Variants in DLGAP2 observed in about 807,000 individuals in gnomAD.
DLGAP2 encodes disks large-associated protein 2.
A neutral mutation model predicts 100.3 loss-of-function variants in DLGAP2; 26 were observed. The ratio of observed to expected loss-of-function variants is 0.26; its 90% CI spans 0.19 to 0.36. The LOEUF is 0.36. Among genes scored for constraint, DLGAP2 ranks in the 10% least tolerant of loss-of-function variants. The pLI is 1.00. For missense variants in DLGAP2, 1,858 were observed against 1,453.2 expected (o/e 1.28, Z -4.53); for synonymous variants, 886 against 630.1 (o/e 1.41, Z -6.08).
chr8:1,335,719 C>G (rs1019310302), intron 3 of DLGAP2, among the ~76,000 whole-genome samples: 1 of 152,168 alleles, frequency 6.6e-6, no homozygotes, highest in Non-Finnish European at 1.5e-5. Flanking sequence ...ACGCAGGACG[C>G]CCAGGGAACC....
At chr8:878,646 T>C (rs1797727777) in intron 1 of DLGAP2, among the ~76,000 whole-genome samples, 1 of 152,112 alleles carries the variant, frequency 6.6e-6, no homozygotes, top group South Asian at 2.1e-4. Flanking sequence ...TGGGAGGTGT[T>C]TGGTCCACGA....
At chr8:1,240,920 T>TGTGTCTAGTTCTCTCACATGGCGCC (rs1563274212) in intron 2 of DLGAP2, among the ~76,000 whole-genome samples, 1 of 4,644 alleles carries the variant, frequency 2.2e-4, no homozygotes, top group Admixed American at 1.4e-3. Context: ...CACATGGCAC[T>TGTGTCTAGTTCTCTCACATGGCGCC]GTGTCTAGTT....
intron 2 of DLGAP2, among the ~76,000 whole-genome samples, chr8:911,719 G>C (rs773177265): frequency 6.9e-6 from 1 of 144,884 alleles, no homozygotes; most frequent in African/African-American, 2.6e-5. Flanking sequence ...GGAAGGATGT[G>C]GGTATAATGT....
chr8:1,112,976 A>T (rs1179654120), intron 2 of DLGAP2, among the ~76,000 whole-genome samples: 1 of 152,058 alleles, frequency 6.6e-6, no homozygotes, highest in East Asian at 1.9e-4. Flanking sequence ...TTCCCCATTA[A>T]TTATTTTTGT....
chr8:940,746 T>C (rs1799178275), intron 2 of DLGAP2, among the ~76,000 whole-genome samples: 1 of 152,192 alleles, frequency 6.6e-6, no homozygotes, highest in Non-Finnish European at 1.5e-5. Context: ...AAAATAGTTT[T>C]CTGCAGCCAC....
intron 3 of DLGAP2, among the ~76,000 whole-genome samples, chr8:1,483,682 G>T (rs895504140): frequency 2.0e-5 from 3 of 151,524 alleles, no homozygotes; most frequent in African/African-American, 7.3e-5. Context: ...GCAGGTGCAG[G>T]AGGTGGGGAC....
In DLGAP2 at chr8:1,180,671, G is replaced by A. The variant is rs140251400; in HGVS notation, c.74-78180G>A. Among the ~76,000 whole-genome samples the A allele has an allele frequency of 5.1e-4, 77 of 151,888 alleles. No homozygotes were observed. The Middle Eastern group carries it at 0.01, about 20-fold the overall frequency. On this transcript the variant is annotated intron_variant, in intron 2 of 14. Transcript: ENST00000637795. Reference sequence around the variant, plus strand: ...GGGCAGTATGCTTACCGTCGACTGGGTGTGCCAGGGCAGTACAATTACCGT... The same window carrying A: ...GGGCAGTATGCTTACCGTCGACTGGATGTGCCAGGGCAGTACAATTACCGT...
intron 4 of DLGAP2, among the ~76,000 whole-genome samples, chr8:1,517,647 C>T (rs189069463): frequency 6.6e-6 from 1 of 152,310 alleles, no homozygotes; most frequent in East Asian, 1.9e-4. Context: ...AAATGCACCA[C>T]ACAGCAGAAG....
intron 4 of DLGAP2, among the ~76,000 whole-genome samples, chr8:1,518,494 G>A (rs371072577): frequency 1.8e-4 from 28 of 152,258 alleles, no homozygotes; most frequent in Admixed American, 4.6e-4. Context: ...TTTATATAAC[G>A]TTTGAGTTTC....
intron 1 of DLGAP2, among the ~76,000 whole-genome samples, chr8:881,874 T>G (rs933870860): frequency 4.6e-5 from 7 of 152,044 alleles, no homozygotes; most frequent in African/African-American, 1.7e-4. Context: ...AAATAAACCG[T>G]GAAGTGTCAC....
intron 2 of DLGAP2, among the ~76,000 whole-genome samples, chr8:1,094,667 C>G (rs540511899): frequency 6.6e-6 from 1 of 152,298 alleles, no homozygotes; most frequent in South Asian, 2.1e-4. Context: ...CTCAAAATGC[C>G]CTCTGTTTTG....
At chr8:1,595,523 C>T (rs566079765) in intron 6 of DLGAP2, among the ~76,000 whole-genome samples, 151 of 151,050 alleles carry the variant, frequency 1.0e-3, no homozygotes, top group African/African-American at 3.5e-3. Flanking sequence ...AAAAATTAGC[C>T]GGGCACGGTG....
chr8:1,609,635 G>C (rs1796930540), intron 6 of DLGAP2, among the ~76,000 whole-genome samples: 1 of 119,812 alleles, frequency 8.3e-6, no homozygotes, highest in African/African-American at 2.9e-5. Flanking sequence ...GCTGTATTCA[G>C]GAAACCCATC....
At chr8:1,615,955 C>T (rs1396331433) in intron 6 of DLGAP2, among the ~76,000 whole-genome samples, 2 of 151,868 alleles carry the variant, frequency 1.3e-5, no homozygotes, top group Admixed American at 6.6e-5. Context: ...TTAAAGCAGC[C>T]GTTGTAAGGT....
intron 2 of DLGAP2, among the ~76,000 whole-genome samples, chr8:955,818 T>C (rs1276732657): frequency 6.6e-6 from 1 of 152,210 alleles, no homozygotes; most frequent in Non-Finnish European, 1.5e-5. Flanking sequence ...ACAAATGTGG[T>C]GCCCTTGCCA....
intron 2 of DLGAP2, among the ~76,000 whole-genome samples, chr8:924,152 T>C (rs889725151): frequency 6.6e-6 from 1 of 152,170 alleles, no homozygotes; most frequent in African/African-American, 2.4e-5. Context: ...CTAGTCCATT[T>C]TAGGGTCTCC....
chr8:1,062,844 G>C (rs1195467840), intron 2 of DLGAP2, among the ~76,000 whole-genome samples: 1 of 152,178 alleles, frequency 6.6e-6, no homozygotes, highest in Non-Finnish European at 1.5e-5. Context: ...GTAATTCTAA[G>C]GAGGCAAGTT....
At chr8:1,520,126 G>A (rs1019655826) in intron 4 of DLGAP2, among the ~76,000 whole-genome samples, 9 of 152,142 alleles carry the variant, frequency 5.9e-5, no homozygotes, top group Non-Finnish European at 1.0e-4. Context: ...ACATACCATG[G>A]GCTATACACC....
intron 3 of DLGAP2, among the ~76,000 whole-genome samples, chr8:1,486,000 C>G (rs1799228227): frequency 6.6e-6 from 1 of 152,150 alleles, no homozygotes; most frequent in Non-Finnish European, 1.5e-5. Context: ...GCACTCCAGC[C>G]TGGGTGACAG....
Sources: allele counts gnomAD v4.1 joint callset (sites outside exome capture counted in the v4.1 genomes callset), GRCh38; gene constraint gnomAD v4.1.1; transcripts MANE v1.5; gene names NCBI Gene and HGNC (gene_info 2026-07-23, HGNC 2026-07-21).